Variants in ATP9B observed in about 807,000 individuals in gnomAD.
The protein encoded by ATP9B is probable phospholipid-transporting ATPase IIB.
Under a neutral mutation model 146.1 loss-of-function variants are expected in ATP9B, and 110 were observed. The observed-to-expected ratio is 0.75, with a 90% CI of 0.65 to 0.88. ATP9B has a LOEUF of 0.88. Ranked by LOEUF, ATP9B falls within the 40% of genes least tolerant of loss-of-function variation. The probability of loss-of-function intolerance (pLI) is 0.00; values close to 1 mark genes in which losing one functional copy is unlikely to be tolerated. For missense variants in ATP9B, 1,499 were observed against 1,496.4 expected (o/e 1.00, Z -0.03); for synonymous variants, 604 against 569.7 (o/e 1.06, Z -0.86).
Position 79,143,819 on chromosome 18 carries a change from A to C in ATP9B, c.685A>C (p.Ser229Arg), listed in dbSNP as rs552823277. Reference sequence around the variant, plus strand: ...TTTTTAAGGTAAAGTGCAAGTTAAGAGTTCAGACATACAAGTTGGAGACCT... The same window carrying C: ...TTTTTAAGGTAAAGTGCAAGTTAAGCGTTCAGACATACAAGTTGGAGACCT... ...LTVRGKVQVK[S>R]SDIQVGDLII... Residue 229 changes from serine to arginine, a missense_variant, in exon 6 of 30, where the codon AGT becomes CGT. Coordinates refer to ENST00000426216, the MANE Select transcript of ATP9B (RefSeq NM_198531.5). 1.9e-6 allele frequency: 3 copies of C among 1,586,018 alleles called. No individual in the cohort carries two copies. The highest frequency in any genetic ancestry group is 3.7e-5 in the Admixed American group (2 of 53,860).
At chr18:79,124,667 AAT>A (rs1293944429) in intron 4 of ATP9B, among the ~76,000 whole-genome samples, 1 of 152,224 alleles carries the variant, frequency 6.6e-6, no homozygotes, top group East Asian at 1.9e-4. Flanking sequence ...AGGATACAGC[AAT>A]ATTGAGTGGG....
At chr18:79,273,453 G>A (rs146557663) in intron 12 of ATP9B, among the ~76,000 whole-genome samples, 8 of 152,258 alleles carry the variant, frequency 5.3e-5, no homozygotes, top group African/African-American at 1.7e-4. Context: ...TCAGCTTTAC[G>A]ATCTGTAGGA....
At chr18:79,264,328 T>C (rs1251500664) in intron 12 of ATP9B, among the ~76,000 whole-genome samples, 1 of 152,208 alleles carries the variant, frequency 6.6e-6, no homozygotes, top group Non-Finnish European at 1.5e-5. Context: ...CACATATATA[T>C]TAGCTATTTA....
At position 79,199,774 on chromosome 18, in the gene ATP9B, A is replaced by G. The variant is rs892584114; in HGVS notation, c.954+6511A>G. ...CAAGACTACATCTGAAAAAAAAAAA[A>G]AAAAGAAAAATGCAGACACACACAC... On this transcript the variant is annotated intron_variant, in intron 9 of 29. Coordinates refer to ENST00000426216, the MANE Select transcript of ATP9B (RefSeq NM_198531.5). 5.3e-4 allele frequency among the ~76,000 whole-genome samples: 81 copies of G among 152,046 alleles called. No homozygotes were observed. In the Middle Eastern group the frequency reaches 0.017, roughly 32 times the overall value.
At chr18:79,250,723 C>T (rs1257158068) in intron 11 of ATP9B, among the ~76,000 whole-genome samples, 1 of 152,190 alleles carries the variant, frequency 6.6e-6, no homozygotes, top group African/African-American at 2.4e-5. Flanking sequence ...TTCAGCTGCC[C>T]CATTCTCAAG....
intron 26 of ATP9B, chr18:79,372,482 A>C (rs545729910): frequency 1.3e-5 from 6 of 448,924 alleles, no homozygotes; most frequent in Non-Finnish European, 2.2e-5. Context: ...AATAAGGGAA[A>C]ATGTTTTTAT....
At chr18:79,311,179 G>T (rs1367162044) in intron 15 of ATP9B, among the ~76,000 whole-genome samples, 1 of 152,126 alleles carries the variant, frequency 6.6e-6, no homozygotes, top group African/African-American at 2.4e-5. Flanking sequence ...TGCTGGGCTG[G>T]GGCTGGACAT....
At chr18:79,211,396 G>A (rs577548903) in intron 10 of ATP9B, among the ~76,000 whole-genome samples, 3 of 152,314 alleles carry the variant, frequency 2.0e-5, no homozygotes, top group Admixed American at 6.5e-5. Context: ...AATTGTGATT[G>A]AACAGAAGTT....
intron 13 of ATP9B, among the ~76,000 whole-genome samples, chr18:79,282,998 C>G (rs1044933849): frequency 6.6e-6 from 1 of 152,264 alleles, no homozygotes. Context: ...CTGAAAGCAG[C>G]TGGTTTTGCC....
intron 2 of ATP9B, among the ~76,000 whole-genome samples, chr18:79,103,615 G>C (rs527883851): frequency 6.6e-6 from 1 of 152,220 alleles, no homozygotes; most frequent in African/African-American, 2.4e-5. Context: ...TTCTCAATTG[G>C]GAACATCAGG....
chr18:79,150,348 A>G (rs1051975973), intron 6 of ATP9B, among the ~76,000 whole-genome samples: 1 of 152,182 alleles, frequency 6.6e-6, no homozygotes, highest in Non-Finnish European at 1.5e-5. Context: ...ACTACCCAAC[A>G]GTTGCACTCC....
chr18:79,222,200 A>C (rs974210309), intron 11 of ATP9B, among the ~76,000 whole-genome samples: 1 of 152,086 alleles, frequency 6.6e-6, no homozygotes, highest in African/African-American at 2.4e-5. Context: ...TCTACTAAAA[A>C]TGCAAAGAAT....
chr18:79,172,950 C>T (rs975512037), intron 7 of ATP9B, among the ~76,000 whole-genome samples: 2 of 152,170 alleles, frequency 1.3e-5, no homozygotes, highest in Admixed American at 6.5e-5. Flanking sequence ...TTAAGACTGA[C>T]AAACTCTTTT....
intron 1 of ATP9B, among the ~76,000 whole-genome samples, chr18:79,079,587 T>C (rs1008234222): frequency 6.6e-6 from 1 of 152,214 alleles, no homozygotes; most frequent in Non-Finnish European, 1.5e-5. Context: ...TTTCTCCCAT[T>C]CTATAGGTTG....
At chr18:79,326,501 C>T (rs1045846258) in intron 15 of ATP9B, among the ~76,000 whole-genome samples, 166 of 150,156 alleles carry the variant, frequency 1.1e-3, no homozygotes, top group South Asian at 5.3e-3. Flanking sequence ...TCTATACCCT[C>T]CCTCCCCTCA....
Position 79,078,577 on chromosome 18 carries a change from A to C in ATP9B, c.119+9048A>C, listed in dbSNP as rs977249509. On this transcript the variant is annotated intron_variant, in intron 1 of 29. Coordinates refer to ENST00000426216, the MANE Select transcript of ATP9B (RefSeq NM_198531.5). ...CTTTTTATTTACTCTTTTTTATTTT[A>C]AAATTGCTTCATTTACTCATTTTTA... Among the ~76,000 whole-genome samples the C allele has an allele frequency of 5.9e-5, 9 of 151,604 alleles. No individual in the cohort carries two copies. In the South Asian group the frequency reaches 1.9e-3, roughly 32 times the overall value.
chr18:79,138,787 A>C (rs1159009180), intron 5 of ATP9B, among the ~76,000 whole-genome samples: 2 of 151,676 alleles, frequency 1.3e-5, no homozygotes, highest in African/African-American at 4.8e-5. Context: ...AAAAAAAAAA[A>C]AAACCAGTAT....
chr18:79,285,483 A>G (rs1227451086), intron 13 of ATP9B, among the ~76,000 whole-genome samples: 3 of 152,048 alleles, frequency 2.0e-5, no homozygotes, highest in South Asian at 4.1e-4. Flanking sequence ...TTTCTTGTAA[A>G]TTTATTTGAG....
intron 1 of ATP9B, among the ~76,000 whole-genome samples, chr18:79,088,679 C>T (rs2074057003): frequency 6.6e-6 from 1 of 152,116 alleles, no homozygotes; most frequent in East Asian, 1.9e-4. Context: ...CAACAAAGGT[C>T]TTCTTTGTGA....
Sources: allele counts gnomAD v4.1 joint callset (sites outside exome capture counted in the v4.1 genomes callset), GRCh38; gene constraint gnomAD v4.1.1; transcripts MANE v1.5; gene names NCBI Gene and HGNC (gene_info 2026-07-23, HGNC 2026-07-21).